Variants in ZFPM2 observed in about 807,000 individuals in gnomAD.
The protein encoded by ZFPM2 is zinc finger protein, FOG family member 2, also known as zinc finger protein ZFPM2.
A neutral mutation model predicts 98.6 loss-of-function variants in ZFPM2; 20 were observed. That is an observed-to-expected ratio of 0.20 (90% CI 0.14 to 0.29). ZFPM2 has a LOEUF of 0.29. Among genes scored for constraint, ZFPM2 ranks in the 10% least tolerant of loss-of-function variants. ZFPM2 has a pLI of 1.00. For missense variants in ZFPM2, 1,310 were observed against 1,388.6 expected (o/e 0.94, Z 0.90); for synonymous variants, 518 against 502.7 (o/e 1.03, Z -0.41).
chr8:105,524,591 G>A (rs1814133111), intron 3 of ZFPM2, among the ~76,000 whole-genome samples: 1 of 152,094 alleles, frequency 6.6e-6, no homozygotes, highest in African/African-American at 2.4e-5. Flanking sequence ...TCTTTACTCT[G>A]TGGGCAAAGT....
chr8:105,584,553 A>G (rs1276995137), intron 4 of ZFPM2, among the ~76,000 whole-genome samples: 3 of 152,202 alleles, frequency 2.0e-5, no homozygotes, highest in Non-Finnish European at 2.9e-5. Flanking sequence ...CCAACCCTCT[A>G]TCTCCTAGTA....
chr8:105,751,544 T>A (rs1328789418), intron 5 of ZFPM2, among the ~76,000 whole-genome samples: 1 of 152,102 alleles, frequency 6.6e-6, no homozygotes, highest in Non-Finnish European at 1.5e-5. Flanking sequence ...GGAGTCAGAA[T>A]TATGCTTAGG....
intron 5 of ZFPM2, among the ~76,000 whole-genome samples, chr8:105,700,158 A>T (rs958908632): frequency 1.1e-4 from 17 of 152,334 alleles, no homozygotes; most frequent in African/African-American, 3.8e-4. Flanking sequence ...CGGCAAAGCA[A>T]GAGGGCCTAG....
chr8:105,636,343 CATTA>C (rs1462080478), intron 5 of ZFPM2, among the ~76,000 whole-genome samples: 2 of 152,016 alleles, frequency 1.3e-5, no homozygotes, highest in Non-Finnish European at 2.9e-5. Flanking sequence ...CTTATTAATT[CATTA>C]ATTAACTGGT....
intron 1 of ZFPM2, among the ~76,000 whole-genome samples, chr8:105,373,808 T>C (rs1810669810): frequency 6.6e-6 from 1 of 152,160 alleles, no homozygotes; most frequent in Admixed American, 6.5e-5. Context: ...TGTCCCTCTG[T>C]CAGATAGGAA....
intron 3 of ZFPM2, among the ~76,000 whole-genome samples, chr8:105,521,130 T>G (rs1232249752): frequency 7.7e-6 from 1 of 129,466 alleles, no homozygotes; most frequent in Non-Finnish European, 1.6e-5. Context: ...TGTATATATA[T>G]ATACACACAC....
In ZFPM2 at chr8:105,337,581, T is replaced by A. The variant is rs760455144; in HGVS notation, c.40+18600T>A. ...TGTCCCTAGGTCTTATTTCATAGTT[T>A]ACATTATGAATAATAAGTCAATAAC... On this transcript the variant is annotated intron_variant, in intron 1 of 7. Transcript: ENST00000407775. Among the ~76,000 whole-genome samples the A allele has an allele frequency of 2.6e-5, 4 of 151,934 alleles. No individual in the cohort carries two copies. In the East Asian group the frequency reaches 7.8e-4, roughly 29 times the overall value.
intron 4 of ZFPM2, among the ~76,000 whole-genome samples, chr8:105,585,357 C>A (rs1815689612): frequency 6.6e-6 from 1 of 152,122 alleles, no homozygotes; most frequent in Admixed American, 6.5e-5. Context: ...CAGCACCCAG[C>A]ACTTTCTGGT....
chr8:105,408,530 G>C (rs901222358), intron 1 of ZFPM2, among the ~76,000 whole-genome samples: 7 of 151,792 alleles, frequency 4.6e-5, no homozygotes, highest in African/African-American at 1.7e-4. Context: ...GAGATCTGTC[G>C]GAGGTTTTCT....
At chr8:105,772,164 A>G (rs989223758) in intron 5 of ZFPM2, among the ~76,000 whole-genome samples, 11 of 152,164 alleles carry the variant, frequency 7.2e-5, no homozygotes, top group Admixed American at 5.9e-4. Context: ...TATAATTGGG[A>G]CTGTGGCCCA....
chr8:105,539,624 C>A (rs2130620927), intron 3 of ZFPM2, among the ~76,000 whole-genome samples: 1 of 152,270 alleles, frequency 6.6e-6, no homozygotes, highest in South Asian at 2.1e-4. Context: ...TGACCTCCAG[C>A]AATTTACATG....
intron 6 of ZFPM2, among the ~76,000 whole-genome samples, chr8:105,790,777 T>C (rs1813585191): frequency 6.6e-6 from 1 of 152,200 alleles, no homozygotes; most frequent in Non-Finnish European, 1.5e-5. Flanking sequence ...CATTGAGCAG[T>C]GGTTTGTAGT....
chr8:105,764,693 A>G (rs1235230515), intron 5 of ZFPM2, among the ~76,000 whole-genome samples: 1 of 151,044 alleles, frequency 6.6e-6, no homozygotes, highest in African/African-American at 2.4e-5. Context: ...TTTTTCTTTT[A>G]GTTTCATGGT....
At chr8:105,428,667 A>G (rs1349830102) in intron 2 of ZFPM2, among the ~76,000 whole-genome samples, 1 of 152,206 alleles carries the variant, frequency 6.6e-6, no homozygotes, top group African/African-American at 2.4e-5. Flanking sequence ...AATGTTTGCA[A>G]AGTGAACTCT....
Position 105,677,906 on chromosome 8 carries a change from A to T in ZFPM2, c.532+43549A>T, listed in dbSNP as rs1268796392. ...TTCTTTTTGTTGAAGACTGTAATAG[A>T]TGGCTCTGTAATATCCTATGCAAAT... On this transcript the variant is annotated intron_variant, in intron 5 of 7. Transcript: ENST00000407775. Among the ~76,000 whole-genome samples, 11 of 152,274 alleles carry T rather than the reference A, an allele frequency of 7.2e-5. No individual in the cohort carries two copies. In the Middle Eastern group the frequency reaches 0.01, roughly 141 times the overall value.
chr8:105,350,763 C>T (rs563302033), intron 1 of ZFPM2, among the ~76,000 whole-genome samples: 63 of 152,266 alleles, frequency 4.1e-4, no homozygotes, highest in African/African-American at 1.5e-3. Flanking sequence ...AAGTGTCATA[C>T]CTTCCCTGAT....
chr8:105,404,027 ACAACAACAACAACAACAG>A (rs1295708328), intron 1 of ZFPM2, among the ~76,000 whole-genome samples: 7 of 151,636 alleles, frequency 4.6e-5, no homozygotes, highest in African/African-American at 1.7e-4. Context: ...AACAACAACA[ACAACAACAACAACAACAG>A]CAGCATAGAT....
At chr8:105,515,790 A>G (rs1404767794) in intron 3 of ZFPM2, among the ~76,000 whole-genome samples, 2 of 151,860 alleles carry the variant, frequency 1.3e-5, no homozygotes, top group African/African-American at 2.4e-5. Context: ...ATTGGGGAGT[A>G]GGGGAGCTCT....
At chr8:105,485,764 G>A (rs1813219337) in intron 3 of ZFPM2, among the ~76,000 whole-genome samples, 1 of 152,170 alleles carries the variant, frequency 6.6e-6, no homozygotes, top group Admixed American at 6.5e-5. Flanking sequence ...ACTACTGGGG[G>A]AAAGGGACTC....
Sources: gnomAD v4.1 joint callset for allele counts (sites outside exome capture counted in the v4.1 genomes callset) on GRCh38, gnomAD v4.1.1 for gene constraint, MANE v1.5 for transcripts, NCBI Gene and HGNC (gene_info 2026-07-23, HGNC 2026-07-21) for gene names.